Variants in RCSD1 observed in about 807,000 individuals in gnomAD.
RCSD1 encodes capZ-interacting protein.
RCSD1 carries 26 observed loss-of-function variants against 42.5 expected under a neutral mutation model. That is an observed-to-expected ratio of 0.61 (90% CI 0.45 to 0.85). The LOEUF (loss-of-function observed/expected upper bound fraction) is 0.85, where lower values mean the gene tolerates loss of function less well. RCSD1 is among the 40% of genes least tolerant of loss of function. The pLI is 0.00. For missense variants in RCSD1, 571 were observed against 528.3 expected (o/e 1.08, Z -0.79); for synonymous variants, 220 against 212.2 (o/e 1.04, Z -0.32).
At chr1:167,675,778 G>A (rs968421576) in intron 1 of RCSD1, among the ~76,000 whole-genome samples, 1 of 152,208 alleles carries the variant, frequency 6.6e-6, no homozygotes, top group African/African-American at 2.4e-5. Flanking sequence ...TTAAGCTCTT[G>A]CCTTAGTAAT....
At chr1:167,687,276 G>A (rs897591509) in intron 3 of RCSD1, among the ~76,000 whole-genome samples, 2 of 152,156 alleles carry the variant, frequency 1.3e-5, no homozygotes, top group African/African-American at 2.4e-5. Flanking sequence ...TGTAATCCCA[G>A]CACTTTGAGA....
chr1:167,657,517 G>A (rs1457194802), intron 1 of RCSD1, among the ~76,000 whole-genome samples: 1 of 152,172 alleles, frequency 6.6e-6, no homozygotes, highest in Non-Finnish European at 1.5e-5. Flanking sequence ...ATTTTGGTAA[G>A]CCTCATACTT....
chr1:167,674,883 A>AT lies in RCSD1; in HGVS notation c.7-9015dup, dbSNP rs1444269923. Among the ~76,000 whole-genome samples, 8 of 152,266 alleles carry AT rather than the reference A, an allele frequency of 5.3e-5. No individual in the cohort carries two copies. The East Asian group carries it at 1.5e-3, about 29-fold the overall frequency. On this transcript the variant is annotated intron_variant, in intron 1 of 6. Coordinates refer to ENST00000367854, the MANE Select transcript of RCSD1 (RefSeq NM_052862.4). ...TTTCTCCATTTGTCAGTGAATGGACATTGTATTAGTCTGTTCTCATGCTGC... is the reference window on the plus strand; with the variant it reads ...TTTCTCCATTTGTCAGTGAATGGACATTTGTATTAGTCTGTTCTCATGCTGC...
At chr1:167,636,229 CA>C (rs777609652) in intron 1 of RCSD1, among the ~76,000 whole-genome samples, 1 of 152,210 alleles carries the variant, frequency 6.6e-6, no homozygotes, top group Non-Finnish European at 1.5e-5. Context: ...CCAGCCAGTG[CA>C]ATTCCAAATC....
intron 3 of RCSD1, among the ~76,000 whole-genome samples, chr1:167,687,486 G>A (rs1042858941): frequency 6.7e-6 from 1 of 148,250 alleles, no homozygotes; most frequent in Admixed American, 6.7e-5. Flanking sequence ...TCGCGCCACC[G>A]CACTCCAGCC....
At chr1:167,647,889 A>G (rs1409676298) in intron 1 of RCSD1, among the ~76,000 whole-genome samples, 3 of 152,214 alleles carry the variant, frequency 2.0e-5, no homozygotes, top group Non-Finnish European at 4.4e-5. Context: ...ATATTTTAAG[A>G]TTTGAAATTC....
In RCSD1 at chr1:167,635,006, CCTA is replaced by C. The variant is rs536726115; in HGVS notation, c.6+4580_6+4582del. Reference sequence around the variant, plus strand: ...TGTATATAATGTGTTTGTTTTGTGACCTACTTTTTCATCCATATCTTTTTACTT... The same window carrying C: ...TGTATATAATGTGTTTGTTTTGTGACCTTTTTCATCCATATCTTTTTACTT... On this transcript the variant is annotated intron_variant, in intron 1 of 6. Coordinates refer to ENST00000367854, the MANE Select transcript of RCSD1 (RefSeq NM_052862.4). Among the ~76,000 whole-genome samples, 4 of 151,536 alleles carry C rather than the reference CCTA, an allele frequency of 2.6e-5. No homozygotes were observed. The South Asian group carries it at 8.3e-4, about 32-fold the overall frequency.
chr1:167,670,783 A>C (rs1229360), intron 1 of RCSD1, among the ~76,000 whole-genome samples: 20,112 of 151,926 alleles, frequency 0.13, 1,489 homozygotes, highest in Non-Finnish European at 0.14. Flanking sequence ...CAGAGCCAGA[A>C]ATCTGGGCAT....
intron 1 of RCSD1, among the ~76,000 whole-genome samples, chr1:167,678,067 C>T (rs969246962): frequency 1.5e-4 from 23 of 152,186 alleles, no homozygotes; most frequent in African/African-American, 4.8e-4. Flanking sequence ...TCCAGGCTCC[C>T]ACTGGAATAA....
chr1:167,630,676 G>C (rs375196699), intron 1 of RCSD1: 144 of 176,504 alleles, frequency 8.2e-4, no homozygotes, highest in African/African-American at 3.6e-3. Flanking sequence ...GGAGAGAAAA[G>C]GGCTTTCCTA....
chr1:167,654,363 G>A lies in RCSD1; in HGVS notation c.6+23934G>A, dbSNP rs564232171. Among the ~76,000 whole-genome samples, 5 of 152,280 alleles carry A rather than the reference G, an allele frequency of 3.3e-5. No homozygotes were observed. In the East Asian group the frequency reaches 5.8e-4, roughly 18 times the overall value. On this transcript the variant is annotated intron_variant, in intron 1 of 6. Transcript: ENST00000367854. ...TATATACCATAGGGAAAGGGTACAC[G>A]TGCTTCAGAGGGAATGGGTAGGAAT...
intron 1 of RCSD1, among the ~76,000 whole-genome samples, chr1:167,655,826 C>T (rs754036522): frequency 1.3e-5 from 2 of 152,156 alleles, no homozygotes; most frequent in South Asian, 2.1e-4. Context: ...CTGTAGAACC[C>T]GTGAGGATGC....
At chr1:167,649,321 T>A (rs1488300817) in intron 1 of RCSD1, among the ~76,000 whole-genome samples, 1 of 151,398 alleles carries the variant, frequency 6.6e-6, no homozygotes, top group Admixed American at 6.6e-5. Flanking sequence ...ATCCGGGAGG[T>A]GCCGGGATTT....
rs79739368 is a variant in RCSD1, at chr1:167,671,034, C to A, written c.7-12866C>A. ...GATGGACTTATCTGCTCATGGTCAC[C>A]ACTGGGCCCAGTTTTCTGCCTCTGC... On this transcript the variant is annotated intron_variant, in intron 1 of 6. Transcript: ENST00000367854. Among the ~76,000 whole-genome samples, 223 of 152,316 alleles carry A rather than the reference C, an allele frequency of 1.5e-3. 1 individual carries two copies. The highest frequency in any genetic ancestry group is 5.2e-3 in the African/African-American group (216 of 41,568).
intron 6 of RCSD1, among the ~76,000 whole-genome samples, chr1:167,700,476 G>A (rs909249812): frequency 4.0e-5 from 6 of 151,696 alleles, no homozygotes; most frequent in South Asian, 2.1e-4. Flanking sequence ...GTGAAACCCC[G>A]TCTCTACTAA....
intron 1 of RCSD1, among the ~76,000 whole-genome samples, chr1:167,641,187 C>A (rs1204403825): frequency 2.0e-5 from 3 of 152,122 alleles, no homozygotes; most frequent in African/African-American, 7.2e-5. Flanking sequence ...CGCTATGGAG[C>A]ATTTCCATGA....
chr1:167,678,240 A>G (rs1192765460), intron 1 of RCSD1, among the ~76,000 whole-genome samples: 1 of 152,074 alleles, frequency 6.6e-6, no homozygotes, highest in African/African-American at 2.4e-5. Context: ...TGACTCTCCA[A>G]GTTTTGTTTC....
chr1:167,671,841 C>T lies in RCSD1; in HGVS notation c.7-12059C>T, dbSNP rs537864750. Among the ~76,000 whole-genome samples the T allele has an allele frequency of 1.4e-3, 217 of 152,350 alleles. 1 individual carries two copies. The highest frequency in any genetic ancestry group is 5.1e-3 in the African/African-American group (210 of 41,578). On this transcript the variant is annotated intron_variant, in intron 1 of 6. Coordinates refer to ENST00000367854, the MANE Select transcript of RCSD1 (RefSeq NM_052862.4). ...TTTCATGCTCTGGCCTCATCTTGCA[C>T]GCATGCTTACATGACAGAACTTGTC...
intron 1 of RCSD1, among the ~76,000 whole-genome samples, chr1:167,673,276 T>C (rs1264981360): frequency 6.6e-6 from 1 of 152,260 alleles, no homozygotes; most frequent in Non-Finnish European, 1.5e-5. Context: ...ATTCCCTCCA[T>C]TTGCCCAAGG....
Sources: allele counts gnomAD v4.1 joint callset (sites outside exome capture counted in the v4.1 genomes callset), GRCh38; gene constraint gnomAD v4.1.1; transcripts MANE v1.5; gene names NCBI Gene and HGNC (gene_info 2026-07-23, HGNC 2026-07-21).